Variants in ARB2A observed in about 807,000 individuals in gnomAD.
ARB2A encodes the protein cotranscriptional regulator ARB2A.
chr5:94,057,419 T>C, the ARB2A span, among the ~76,000 whole-genome samples: 4 of 152,136 alleles, frequency 2.6e-5, no homozygotes, highest in Non-Finnish European at 4.4e-5. Context: ...TTAATGGGTA[T>C]AGGGTTTCAG....
the ARB2A span, among the ~76,000 whole-genome samples, chr5:93,761,317 G>A: frequency 2.0e-5 from 3 of 152,128 alleles, no homozygotes; most frequent in Admixed American, 1.3e-4. Flanking sequence ...TCAAAGAAAG[G>A]GGTGACAGAC....
At chr5:94,111,237 C>T in the ARB2A span, among the ~76,000 whole-genome samples, 1 of 152,210 alleles carries the variant, frequency 6.6e-6, no homozygotes, top group Non-Finnish European at 1.5e-5. Flanking sequence ...TCTCCAGGGA[C>T]TCCCAGAATC....
At chr5:94,006,407 A>G in the ARB2A span, among the ~76,000 whole-genome samples, 3 of 152,206 alleles carry the variant, frequency 2.0e-5, no homozygotes, top group African/African-American at 7.2e-5. Flanking sequence ...CTGTGGCTAT[A>G]AAAGGACAAT....
the ARB2A span, among the ~76,000 whole-genome samples, chr5:93,628,777 G>C: frequency 3.9e-5 from 6 of 152,214 alleles, no homozygotes; most frequent in Non-Finnish European, 8.8e-5. Flanking sequence ...ATTGAAGAAA[G>C]TTAGGGTCTT....
the ARB2A span, among the ~76,000 whole-genome samples, chr5:94,033,578 C>T: frequency 6.6e-6 from 1 of 152,178 alleles, no homozygotes; most frequent in Non-Finnish European, 1.5e-5. Context: ...ACACCTGCCA[C>T]CATGCCTGGC....
chr5:93,922,560 A>G, the ARB2A span, among the ~76,000 whole-genome samples: 1 of 138,762 alleles, frequency 7.2e-6, no homozygotes, highest in African/African-American at 2.7e-5. Context: ...CTGTAATCCC[A>G]GGAAAGAAGG....
the ARB2A span, among the ~76,000 whole-genome samples, chr5:93,802,489 A>G: frequency 6.6e-6 from 1 of 152,134 alleles, no homozygotes; most frequent in African/African-American, 2.4e-5. Context: ...TTATTTACAT[A>G]AAAAGTACAA....
the ARB2A span, among the ~76,000 whole-genome samples, chr5:94,106,461 A>G: frequency 5.9e-5 from 9 of 152,176 alleles, no homozygotes; most frequent in Non-Finnish European, 1.2e-4. Flanking sequence ...CTATTGTTAA[A>G]AAGTCAAAAA....
chr5:93,861,177 A>G, the ARB2A span: 1 of 152,060 alleles, frequency 6.6e-6, no homozygotes, highest in Non-Finnish European at 1.5e-5. Context: ...TTCTAGTCAA[A>G]CCATCTTCTC....
chr5:93,694,177 A>G, the ARB2A span, among the ~76,000 whole-genome samples: 2 of 152,216 alleles, frequency 1.3e-5, no homozygotes, highest in Admixed American at 6.5e-5. Flanking sequence ...CAGTATTGGA[A>G]GTTCTGGCCA....
chr5:93,646,152 A>G, the ARB2A span, among the ~76,000 whole-genome samples: 3 of 152,180 alleles, frequency 2.0e-5, no homozygotes, highest in Admixed American at 1.3e-4. Context: ...GATTATCTCT[A>G]AAAGAGACTG....
At chr5:93,656,535 T>C in the ARB2A span, among the ~76,000 whole-genome samples, 1 of 152,190 alleles carries the variant, frequency 6.6e-6, no homozygotes, top group African/African-American at 2.4e-5. Flanking sequence ...TCTATCTCTA[T>C]TCCATGGAAA....
chr5:93,651,809 G>T, the ARB2A span, among the ~76,000 whole-genome samples: 6 of 152,042 alleles, frequency 3.9e-5, no homozygotes, highest in Non-Finnish European at 8.8e-5. Flanking sequence ...TATTATACTG[G>T]TGGAATTATA....
chr5:94,074,456 G>A, the ARB2A span, among the ~76,000 whole-genome samples: 2 of 152,028 alleles, frequency 1.3e-5, no homozygotes, highest in East Asian at 1.9e-4. Context: ...ACATGATCCC[G>A]TGATTTATTT....
the ARB2A span, among the ~76,000 whole-genome samples, chr5:93,622,775 G>A: frequency 6.6e-6 from 1 of 152,168 alleles, no homozygotes; most frequent in Non-Finnish European, 1.5e-5. Context: ...ATAGGAAGGA[G>A]GGATGAGTGT....
the ARB2A span, among the ~76,000 whole-genome samples, chr5:93,958,399 A>G: frequency 6.6e-6 from 1 of 152,046 alleles, no homozygotes; most frequent in South Asian, 2.1e-4. Context: ...AGGTTTACAA[A>G]AGCAGTCATG....
chr5:93,914,501 G>GA, the ARB2A span, among the ~76,000 whole-genome samples: 1 of 151,822 alleles, frequency 6.6e-6, no homozygotes, highest in African/African-American at 2.4e-5. Context: ...GTGAGAGAGT[G>GA]AACAAAGACT....
chr5:94,087,800 T>G, the ARB2A span, among the ~76,000 whole-genome samples: 5 of 152,238 alleles, frequency 3.3e-5, no homozygotes, highest in Admixed American at 3.3e-4. Flanking sequence ...TTCCACTGTG[T>G]TACCATTGCC....
the ARB2A span, chr5:93,738,507 T>C: frequency 3.3e-5 from 5 of 152,258 alleles, no homozygotes; most frequent in Non-Finnish European, 7.3e-5. Flanking sequence ...TAAATGTTCA[T>C]AGCAGTATCA....
Sources: gnomAD v4.1 joint callset for allele counts (sites outside exome capture counted in the v4.1 genomes callset) on GRCh38, gnomAD v4.1.1 for gene constraint, MANE v1.5 for transcripts, NCBI Gene and HGNC (gene_info 2026-07-23, HGNC 2026-07-21) for gene names.